Variants in LRRC32 observed in about 807,000 individuals in gnomAD.
The protein encoded by LRRC32 is leucine rich repeat containing 32, also known as transforming growth factor beta activator LRRC32.
A neutral mutation model predicts 15.0 loss-of-function variants in LRRC32; 5 were observed. The ratio of observed to expected loss-of-function variants is 0.33; its 90% confidence interval spans 0.17 to 0.70. The LOEUF is 0.70. Among genes scored for constraint, LRRC32 ranks in the 30% least tolerant of loss-of-function variants. The pLI, the probability that LRRC32 is intolerant of heterozygous loss-of-function variation, is 0.66. For missense variants in LRRC32, 803 were observed against 854.2 expected, an observed-to-expected ratio of 0.94 and a Z score of 0.75; for synonymous variants, 391 against 403.9, an observed-to-expected ratio of 0.97 and a Z score of 0.38.
rs748881614 is a variant in LRRC32 at position 76,660,424 on chromosome 11, G to A, written c.1169C>T (p.Thr390Met). 398 of 1,613,512 alleles carry A rather than the reference G, an allele frequency of 2.5e-4. 1 individual carries two copies. The highest frequency in any genetic ancestry group is 3.3e-4 in the Middle Eastern group (2 of 6,084). ...LGARALGSLR[T>M]LLLQGNALRD... ...CAGGGCATTGCCCTGTAGGAGCAGC[G>A]TCCGCAGAGACCCCAGGGCTCTGGC... is the stretch of plus-strand genomic sequence containing the variant. Residue 390 changes from threonine (T) to methionine (M), a missense_variant, in exon 3 of 3, where the codon ACG becomes ATG. By Grantham distance (81) the Thr-to-Met change is moderately conservative. Transcript: ENST00000260061.
Position 76,659,597 on chromosome 11 carries a change from G to T in LRRC32, c.*7C>A. 6.2e-7 allele frequency: 1 copy of T among 1,611,866 alleles called. No homozygotes were observed. The highest frequency in any genetic ancestry group is 8.5e-7 in the Non-Finnish European group (1 of 1,178,574). The stretch of plus-strand genomic sequence containing the variant: ...CCCCCACTGACCTAGAGTGTCTCCC[G>T]GCTTCTTTAGGCTTTATACTGTTGG... On this transcript the variant is annotated 3_prime_UTR_variant, in exon 3 of 3. Transcript: ENST00000260061.
rs773129385 is a variant in LRRC32, at chr11:76,660,799, G to A, written c.794C>T (p.Pro265Leu). Residue 265 changes from proline to leucine, a missense_variant, in exon 3 of 3, where the codon CCG (proline) becomes CTG (leucine). Pro to Leu is a moderately conservative substitution (Grantham distance 98). Transcript: ENST00000260061. ...LLHFPDLAALPRLIYLNLSNN... is the reference protein window; with the variant it reads ...LLHFPDLAALLRLIYLNLSNN... The stretch of plus-strand genomic sequence containing the variant: ...GGACAAGTTCAGGTAGATGAGTCTC[G>A]GGAGCGCGGCCAGGTCGGGGAAATG... 29 of 1,614,030 alleles carry A rather than the reference G, an allele frequency of 1.8e-5. No homozygotes were observed. The highest frequency in any genetic ancestry group is 5.5e-5 in the South Asian group (5 of 91,082).
At chr11:76,667,931 G>A (rs893832874) in intron 1 of LRRC32, among the ~76,000 whole-genome samples, 2 of 152,210 alleles carry the variant, frequency 1.3e-5, no homozygotes, top group South Asian at 2.1e-4. Flanking sequence ...GCTTAGATGG[G>A]CCAAGAGGCC....
Position 76,665,903 on chromosome 11 carries a change from C to T in LRRC32, c.52G>A (p.Ala18Thr). The T allele has an allele frequency of 1.2e-6, 2 of 1,614,094 alleles. No homozygotes were observed. Among genetic ancestry groups the T allele is most frequent in the Non-Finnish European group, 1.7e-6 (2 of 1,179,974 alleles). ...CAGGGCACTTTGTCTTGGTGTTGTG[C>T]AGCCAGGCCTAGGGTCAGCAGGGCC... The part of the protein sequence containing the change: ...LLALLTLGLA[A>T]QHQDKVPCKM... Residue 18 changes from alanine to threonine, a missense_variant, in exon 2 of 3, where the codon GCA (alanine) becomes ACA (threonine). Physicochemically the swap from Ala to Thr is moderately conservative, Grantham distance 58 (BLOSUM62 0). Coordinates refer to ENST00000260061, the MANE Select transcript of LRRC32 (RefSeq NM_001128922.2).
Position 76,661,067 on chromosome 11 carries a change from C to T in LRRC32, c.526G>A (p.Glu176Lys). Residue 176 changes from glutamate to lysine, a missense_variant, in exon 3 of 3, where the codon GAG becomes AAG. Coordinates refer to ENST00000260061, the MANE Select transcript of LRRC32 (RefSeq NM_001128922.2). ...RHTFRDMPALEQLDLHSNVLM... is the reference protein window; with the variant it reads ...RHTFRDMPALKQLDLHSNVLM... ...ACGTTGCTATGCAGGTCAAGCTGCT[C>T]CAGCGCAGGCATGTCCCGGAAGGTG... 6.2e-7 allele frequency: 1 copy of T among 1,614,242 alleles called. No individual in the cohort carries two copies. The highest frequency in any genetic ancestry group is 8.5e-7 in the Non-Finnish European group (1 of 1,180,050).
chr11:76,659,426 A>T lies in LRRC32; in HGVS notation c.*178T>A. ...TTCTGGCTTCCACAGCTGGACCCAA[A>T]GTGCAGCCCGGGAAGGGGGTCACCC... On this transcript the variant is annotated 3_prime_UTR_variant, in exon 3 of 3. Coordinates refer to ENST00000260061, the MANE Select transcript of LRRC32 (RefSeq NM_001128922.2). 1.5e-6 allele frequency: 1 copy of T among 668,950 alleles called. No homozygotes were observed. The highest frequency in any genetic ancestry group is 3.0e-5 in the Admixed American group (1 of 33,180). 41.4% of individuals were successfully genotyped at this position (668,950 alleles called of 1,614,324 possible).
intron 1 of LRRC32, among the ~76,000 whole-genome samples, chr11:76,668,722 C>T (rs749362209): frequency 6.6e-6 from 1 of 152,204 alleles, no homozygotes; most frequent in Non-Finnish European, 1.5e-5. Context: ...GTGGCAAAAT[C>T]AGGGCAGAAG....
chr11:76,668,162 G>T (rs575771002), intron 1 of LRRC32, among the ~76,000 whole-genome samples: 6 of 152,202 alleles, frequency 3.9e-5, no homozygotes, highest in African/African-American at 1.2e-4. Flanking sequence ...GTGACATGGG[G>T]TCGTTACTGA....
rs1049498596 is a variant in LRRC32 at position 76,658,069 on chromosome 11, G to C, written c.*1535C>G. Reference sequence around the variant, plus strand: ...TAAGAGGGAAAAAAGATCCTTGCATGATGAGGCACAGAAAGGAAGTTTGGA... The same window carrying C: ...TAAGAGGGAAAAAAGATCCTTGCATCATGAGGCACAGAAAGGAAGTTTGGA... On this transcript the variant is annotated 3_prime_UTR_variant, in exon 3 of 3. Transcript: ENST00000260061. The C allele has an allele frequency of 6.6e-6, 1 of 152,470 alleles. No homozygotes were observed. Among genetic ancestry groups the C allele is most frequent in the East Asian group, 1.9e-4 (1 of 5,320 alleles). 9.4% of individuals were successfully genotyped at this position (152,470 alleles called of 1,614,324 possible). A position where few individuals can be genotyped will look rare whatever the true frequency, so the allele number is the denominator to read the frequency against.
rs374001114 is a variant in LRRC32 at position 76,666,918 on chromosome 11, CAG to C, written c.-4-962_-4-961del. Among the ~76,000 whole-genome samples the C allele has an allele frequency of 2.6e-4, 39 of 152,340 alleles. No individual in the cohort carries two copies. In the East Asian group the frequency reaches 7.1e-3, roughly 28 times the overall value. On this transcript the variant is annotated intron_variant, in intron 1 of 2. Coordinates refer to ENST00000260061, the MANE Select transcript of LRRC32 (RefSeq NM_001128922.2). The stretch of plus-strand genomic sequence containing the variant: ...GAAGTGACAGTGACGGTGATACAGA[CAG>C]AGAGTCTTAAAGAGGGACACAGAAA...
rs751013352 is a variant in LRRC32, at chr11:76,661,263, C to T, written c.330G>A (p.Ala110=). ...CACCAGCACTCAGCGCAGTGGCCAT[C>T]GCCAGCCGGTTGTGAGCCAGGCTGA... ...EHLSLAHNRL[A]MATALSAGGL... Residue 110 remains alanine (A), a synonymous_variant, in exon 3 of 3, where the codon GCG becomes GCA. Coordinates refer to ENST00000260061, the MANE Select transcript of LRRC32 (RefSeq NM_001128922.2). 11 of 1,613,942 alleles carry T rather than the reference C, an allele frequency of 6.8e-6. No individual in the cohort carries two copies. The highest frequency in any genetic ancestry group is 1.3e-5 in the African/African-American group (1 of 74,936).
chr11:76,665,455 T>G (rs1952609613), intron 2 of LRRC32, among the ~76,000 whole-genome samples: 1 of 152,072 alleles, frequency 6.6e-6, no homozygotes, highest in African/African-American at 2.4e-5. Context: ...GGAAGGGGAT[T>G]TGTCTCCAAG....
chr11:76,665,949 T>A lies in LRRC32; in HGVS notation c.6A>T (p.Arg2Ser), dbSNP rs758250424. M[R>S]PQILLLLALL... ...GGGCCAGGAGCAGCAGGATCTGGGG[T>A]CTCATGGCTCTGTGTAAGGCGGAGA... The change falls in exon 2 of 3, where the codon AGA becomes AGT. Residue 2 changes from arginine (R) to serine (S), a missense_variant. Arg to Ser is a moderately radical substitution (Grantham distance 110). Coordinates refer to ENST00000260061, the MANE Select transcript of LRRC32 (RefSeq NM_001128922.2). The A allele has an allele frequency of 4.3e-6, 7 of 1,613,776 alleles. No homozygotes were observed. The Admixed American group carries it at 1.2e-4, about 27-fold the overall frequency.
Position 76,660,772 on chromosome 11 carries a change from T to C in LRRC32, c.821A>G (p.Asn274Ser), listed in dbSNP as rs1952508745. The change falls in exon 3 of 3, where the codon AAC becomes AGC. Residue 274 changes from asparagine to serine, a missense_variant. Physicochemically the swap from Asn to Ser is conservative, Grantham distance 46. Transcript: ENST00000260061. ...LPRLIYLNLS[N>S]NLIRLPTGPP... The stretch of plus-strand genomic sequence containing the variant: ...CCCTGTGGGGAGCCGGATGAGGTTG[T>C]TGGACAAGTTCAGGTAGATGAGTCT... The C allele has an allele frequency of 5.0e-6, 8 of 1,614,040 alleles. No homozygotes were observed. Among genetic ancestry groups the C allele is most frequent in the South Asian group, 1.1e-5 (1 of 91,068 alleles).
Position 76,661,050 on chromosome 11 carries a change from A to G in LRRC32, c.543T>C (p.His181=), listed in dbSNP as rs1565404414. Reference sequence around the variant, plus strand: ...CCTCGATGTCCATCAGCACGTTGCTATGCAGGTCAAGCTGCTCCAGCGCAG... The same window carrying G: ...CCTCGATGTCCATCAGCACGTTGCTGTGCAGGTCAAGCTGCTCCAGCGCAG... ...DMPALEQLDL[H]SNVLMDIEDG... Residue 181 remains histidine (H), a synonymous_variant, in exon 3 of 3, where the codon CAT becomes CAC. Coordinates refer to ENST00000260061, the MANE Select transcript of LRRC32 (RefSeq NM_001128922.2). 2 of 1,614,084 alleles carry G rather than the reference A, an allele frequency of 1.2e-6. No individual in the cohort carries two copies. The highest frequency in any genetic ancestry group is 1.1e-5 in the South Asian group (1 of 91,084).
Position 76,660,470 on chromosome 11 carries a change from G to C in LRRC32, c.1123C>G (p.Leu375Val). 2 of 1,614,062 alleles carry C rather than the reference G, an allele frequency of 1.2e-6. No individual in the cohort carries two copies. The highest frequency in any genetic ancestry group is 1.7e-6 in the Non-Finnish European group (2 of 1,179,996). The stretch of plus-strand genomic sequence containing the variant: ...CTGGCGCCCAGTTCCAGTGTCTCCA[G>C]GGCATTGTGGCTTAAGTCAAGGAGC... ...LMLLDLSHNA[L>V]ETLELGARAL... The change falls in exon 3 of 3, where the codon CTG becomes GTG. Residue 375 changes from leucine to valine, a missense_variant. Leu to Val is a conservative substitution (Grantham distance 32). Coordinates refer to ENST00000260061, the MANE Select transcript of LRRC32 (RefSeq NM_001128922.2).
Position 76,659,530 on chromosome 11 carries a change from G to A in LRRC32, c.*74C>T. On this transcript the variant is annotated 3_prime_UTR_variant, in exon 3 of 3. Coordinates refer to ENST00000260061, the MANE Select transcript of LRRC32 (RefSeq NM_001128922.2). Reference sequence around the variant, plus strand: ...GAGTTCTGGGATCCCGGATCACTGTGTGACCTTGAGTCAGTCCTCACTCTT... The same window carrying A: ...GAGTTCTGGGATCCCGGATCACTGTATGACCTTGAGTCAGTCCTCACTCTT... The A allele has an allele frequency of 6.8e-7, 1 of 1,475,642 alleles. No individual in the cohort carries two copies. The highest frequency in any genetic ancestry group is 1.9e-5 in the Admixed American group (1 of 53,900). The allele number at this position is 1,475,642 out of a possible 1,614,324, so 91.4% of individuals were successfully genotyped here.
In LRRC32 at chr11:76,659,954, T is replaced by C; in HGVS notation, c.1639A>G (p.Ser547Gly). 1 of 1,614,040 alleles carries C rather than the reference T, an allele frequency of 6.2e-7. No individual in the cohort carries two copies. Among genetic ancestry groups the C allele is most frequent in the South Asian group, 1.1e-5 (1 of 91,072 alleles). The change falls in exon 3 of 3, where the codon AGC becomes GGC. Residue 547 changes from serine to glycine, a missense_variant. Coordinates refer to ENST00000260061, the MANE Select transcript of LRRC32 (RefSeq NM_001128922.2). ...GCACTGCCTGGCAGGAGGCTGAAGCTGTTGTTTCGCAGGTCCAGCACCTCC... is the reference window on the plus strand; with the variant it reads ...GCACTGCCTGGCAGGAGGCTGAAGCCGTTGTTTCGCAGGTCCAGCACCTCC... ...SLEVLDLRNN[S>G]FSLLPGSAMG...
chr11:76,659,857 C>A lies in LRRC32; in HGVS notation c.1736G>T (p.Gly579Val). The part of the protein sequence containing the change: ...QGNPLSCCGN[G>V]WLAAQLHQGR... ...CTGGTGCAGCTGGGCTGCCAGCCAG[C>A]CATTGCCGCAGCAGCTGAGTGGATT... is the stretch of plus-strand genomic sequence containing the variant. The change falls in exon 3 of 3, where the codon GGC becomes GTC. Residue 579 changes from glycine (G) to valine (V), a missense_variant. Gly to Val is a moderately radical substitution (Grantham distance 109). Transcript: ENST00000260061. 2 of 1,614,052 alleles carry A rather than the reference C, an allele frequency of 1.2e-6. No individual in the cohort carries two copies. The highest frequency in any genetic ancestry group is 1.7e-6 in the Non-Finnish European group (2 of 1,180,030).
Sources: allele counts gnomAD v4.1 joint callset (sites outside exome capture counted in the v4.1 genomes callset), GRCh38; gene constraint gnomAD v4.1.1; transcripts MANE v1.5; gene names NCBI Gene and HGNC (gene_info 2026-07-23, HGNC 2026-07-21).